The following AFF1 variants were observed in gnomAD, a reference collection of about 807,000 sequenced individuals.
The protein encoded by AFF1 is ALF transcription elongation factor 1.
AFF1 carries 48 observed loss-of-function variants against 121.7 expected under a neutral mutation model. The observed-to-expected ratio is 0.39, with a 90% CI of 0.31 to 0.50. The LOEUF is 0.50. Among genes scored for constraint, AFF1 ranks in the 20% least tolerant of loss-of-function variants. The probability of loss-of-function intolerance (pLI) is 0.76; values close to 1 mark genes in which losing one functional copy is unlikely to be tolerated. For missense variants in AFF1, 1,523 were observed against 1,511.7 expected, an observed-to-expected ratio of 1.01 and a Z score of -0.12; for synonymous variants, 613 against 563.0, an observed-to-expected ratio of 1.09 and a Z score of -1.26.
chr4:87,126,988 G>A, intron 14 of AFF1, 38 bp from the exon 15 acceptor site: 1 of 1,561,118 alleles, frequency 6.4e-7, no homozygotes, highest in Non-Finnish European at 8.8e-7. Flanking sequence ...GGTCTTAAAT[G>A]TTAGAGTGTA....
chr4:87,063,015 C>G (rs559705322), intron 4 of AFF1, among the ~76,000 whole-genome samples: 8 of 152,236 alleles, frequency 5.3e-5, no homozygotes, highest in African/African-American at 1.7e-4. Context: ...GACAAGAAAA[C>G]TACTTAACCT....
Position 87,126,320 on chromosome 4 carries a change from G to A in AFF1, c.2795G>A (p.Ser932Asn), listed in dbSNP as rs1578310230. ...QRRVEGKGSRSSSEHKGSSGD... is the reference protein window; with the variant it reads ...QRRVEGKGSRNSSEHKGSSGD... ...AGAGTAGAGGGGAAGGGCTCCAGAA[G>A]CTCCTCGGAGCACAAGGTGAGCAGG... The change falls in exon 14 of 21, where the codon AGC becomes AAC. Residue 932 changes from serine to asparagine, a missense_variant. Coordinates refer to ENST00000395146, the MANE Select transcript of AFF1 (RefSeq NM_001166693.3). 5.6e-6 allele frequency: 9 copies of A among 1,614,092 alleles called. No individual in the cohort carries two copies. In the East Asian group the frequency reaches 2.0e-4, roughly 36 times the overall value.
At chr4:87,063,138 T>C (rs1023832543) in intron 4 of AFF1, among the ~76,000 whole-genome samples, 2 of 151,864 alleles carry the variant, frequency 1.3e-5, no homozygotes, top group Admixed American at 1.3e-4. Flanking sequence ...GTCTGGCATA[T>C]AGTAAGTATG....
At chr4:87,085,502 A>G (rs777264383) in intron 5 of AFF1, among the ~76,000 whole-genome samples, 9 of 151,074 alleles carry the variant, frequency 6.0e-5, no homozygotes, top group Non-Finnish European at 1.0e-4. Flanking sequence ...TTGAATCACT[A>G]TTGCTCATAT....
chr4:87,042,552 T>G (rs1730265565), intron 2 of AFF1, among the ~76,000 whole-genome samples: 1 of 152,242 alleles, frequency 6.6e-6, no homozygotes, highest in African/African-American at 2.4e-5. Context: ...ACCAGTGATA[T>G]CCATGATGTC....
chr4:87,133,272 G>A lies in AFF1; in HGVS notation c.3311+864G>A, dbSNP rs184225794. ...GAATCCTTGTACAAGTGTTTTTAAA[G>A]TGAAGCTGGAATTTTCTTCCCTGTA... is the stretch of plus-strand genomic sequence containing the variant. On this transcript the variant is annotated intron_variant, in intron 19 of 20. Transcript: ENST00000395146. Among the ~76,000 whole-genome samples, 19 of 152,328 alleles carry A rather than the reference G, an allele frequency of 1.2e-4. No individual in the cohort carries two copies. The East Asian group carries it at 3.7e-3, about 29-fold the overall frequency.
intron 2 of AFF1, among the ~76,000 whole-genome samples, chr4:87,041,028 A>G (rs1323787799): frequency 6.6e-6 from 1 of 151,520 alleles, no homozygotes; most frequent in Non-Finnish European, 1.5e-5. Context: ...GGTGTGCGCC[A>G]CCACGCCCAG....
chr4:87,114,010 A>G (rs1320494629), intron 11 of AFF1, among the ~76,000 whole-genome samples: 1 of 152,214 alleles, frequency 6.6e-6, no homozygotes, highest in African/African-American at 2.4e-5. Flanking sequence ...TTTTTTACTC[A>G]TTTCCTCCTA....
rs1242597696 is a variant in AFF1, at chr4:87,140,680, G to A, written c.*4979G>A. The A allele has an allele frequency of 1.1e-5, 2 of 189,850 alleles. No homozygotes were observed. The highest frequency in any genetic ancestry group is 4.7e-5 in the African/African-American group (2 of 42,806). The allele number at this position is 189,850 out of a possible 1,614,324, so 11.8% of individuals were successfully genotyped here. ...TCAACACAATGATTTTGTACATAGGGTAGGGAAGCAGTGATGCTCTCAATG... is the reference window on the plus strand; with the variant it reads ...TCAACACAATGATTTTGTACATAGGATAGGGAAGCAGTGATGCTCTCAATG... On this transcript the variant is annotated 3_prime_UTR_variant, in exon 21 of 21. Transcript: ENST00000395146.
intron 5 of AFF1, among the ~76,000 whole-genome samples, chr4:87,084,878 G>T (rs1723562899): frequency 1.3e-5 from 2 of 152,312 alleles, no homozygotes; most frequent in East Asian, 1.9e-4. Context: ...TGATGTGTGG[G>T]AGGCACCAGT....
chr4:87,009,692 A>G (rs1726533975), intron 2 of AFF1, among the ~76,000 whole-genome samples: 1 of 152,178 alleles, frequency 6.6e-6, no homozygotes, highest in Admixed American at 6.5e-5. Context: ...AGAGAAGGTA[A>G]TCTTTGAGAT....
chr4:87,119,845 G>A (rs546285818), intron 12 of AFF1, among the ~76,000 whole-genome samples: 58 of 152,182 alleles, frequency 3.8e-4, no homozygotes, highest in Non-Finnish European at 6.9e-4. Context: ...TCATTTATGC[G>A]TTTTGAAGAG....
At chr4:86,947,855 T>C (rs962291811) in intron 1 of AFF1, among the ~76,000 whole-genome samples, 3 of 151,552 alleles carry the variant, frequency 2.0e-5, no homozygotes, top group Non-Finnish European at 4.4e-5. Flanking sequence ...CTTTAATGAG[T>C]GGAAGTAAAA....
At chr4:87,005,035 T>A (rs1469709935) in intron 2 of AFF1, among the ~76,000 whole-genome samples, 4 of 152,102 alleles carry the variant, frequency 2.6e-5, no homozygotes, top group Non-Finnish European at 5.9e-5. Context: ...TGAGAGAGAG[T>A]CTTACTCTGT....
intron 2 of AFF1, among the ~76,000 whole-genome samples, chr4:87,035,805 A>G (rs1201418250): frequency 6.6e-6 from 1 of 152,166 alleles, no homozygotes; most frequent in Non-Finnish European, 1.5e-5. Context: ...ATTTTTTAAA[A>G]GTTGGGGAAT....
intron 2 of AFF1, among the ~76,000 whole-genome samples, chr4:87,038,987 C>T (rs767314): frequency 0.14 from 20,677 of 152,084 alleles, 1,872 homozygotes; most frequent in Middle Eastern, 0.23. Flanking sequence ...CCCTGTGGGC[C>T]GTGAGTTGCC....
intron 11 of AFF1, among the ~76,000 whole-genome samples, chr4:87,111,000 T>TTTTTTTTA (rs1726443635): frequency 1.2e-5 from 1 of 83,356 alleles, no homozygotes; most frequent in African/African-American, 5.6e-5. Flanking sequence ...TAAACTTTAT[T>TTTTTTTTA]TTTTTTTTTT....
In AFF1 at chr4:87,114,441, A is replaced by G. The variant is rs1199356608; in HGVS notation, c.1608A>G (p.Pro536=). 1 of 1,613,380 alleles carries G rather than the reference A, an allele frequency of 6.2e-7. No individual in the cohort carries two copies. Among genetic ancestry groups the G allele is most frequent in the Non-Finnish European group, 8.5e-7 (1 of 1,179,938 alleles). Residue 536 remains proline, a synonymous_variant, in exon 12 of 21, where the codon CCA becomes CCG. Transcript: ENST00000395146. ...AAGTCAGCCAGCCAGCTGCGCCACC[A>G]GAGGGCCCCAGGAGCACAGAGCCCC... ...LTKVSQPAAP[P]EGPRSTEPPR...
At chr4:87,030,737 G>A (rs895978586) in intron 2 of AFF1, among the ~76,000 whole-genome samples, 4 of 151,808 alleles carry the variant, frequency 2.6e-5, no homozygotes. Flanking sequence ...TGAAAACAGT[G>A]TAAAATCATT....
Sources: gnomAD v4.1 joint callset for allele counts (sites outside exome capture counted in the v4.1 genomes callset) on GRCh38, gnomAD v4.1.1 for gene constraint, MANE v1.5 for transcripts, NCBI Gene and HGNC (gene_info 2026-07-23, HGNC 2026-07-21) for gene names.